The following ATL2 variants were observed in gnomAD, a reference collection of about 807,000 sequenced individuals.
ATL2 encodes the protein atlastin GTPase 2, also known as atlastin-2.
Under a neutral mutation model 73.9 loss-of-function variants are expected in ATL2, and 31 were observed. The ratio of observed to expected loss-of-function variants is 0.42; its 90% CI spans 0.32 to 0.57. The LOEUF is 0.57. Among genes scored for constraint, ATL2 ranks in the 20% least tolerant of loss-of-function variants. ATL2 has a pLI of 0.14. For synonymous variants in ATL2, 291 were observed against 237.5 expected, an observed-to-expected ratio of 1.23 and a Z score of -2.07; for missense variants, 738 against 702.6, an observed-to-expected ratio of 1.05 and a Z score of -0.57.
rs573956435 is a variant in ATL2, at chr2:38,354,134, G to A, written c.119-10622C>T. 54 of 414,252 alleles carry A rather than the reference G, an allele frequency of 1.3e-4. No homozygotes were observed. In the Middle Eastern group the frequency reaches 2.4e-3, roughly 19 times the overall value. The allele number at this position is 414,252 out of a possible 1,614,324, so 25.7% of individuals were successfully genotyped here. On this transcript the variant is annotated intron_variant, in intron 1 of 12. Coordinates refer to ENST00000378954, the MANE Select transcript of ATL2 (RefSeq NM_001135673.4). ...TTGAACCCGGGAGGTTGCAGTAAGC[G>A]AAGATCGTGCCACTGCACTCCAACC...
chr2:38,327,688 C>A, intron 2 of ATL2, among the ~76,000 whole-genome samples: 1 of 152,116 alleles, frequency 6.6e-6, no homozygotes, highest in East Asian at 1.9e-4. Flanking sequence ...GTAATCCCAG[C>A]ACTTTGGGAG....
intron 1 of ATL2, among the ~76,000 whole-genome samples, chr2:38,362,063 A>G (rs1671046182): frequency 6.6e-6 from 1 of 152,208 alleles, no homozygotes; most frequent in Non-Finnish European, 1.5e-5. Flanking sequence ...CAGTCCACAT[A>G]ATGATGCTTA....
intron 8 of ATL2, 87 bp from the exon 9 acceptor site, chr2:38,309,593 A>G: frequency 7.7e-7 from 1 of 1,298,784 alleles, no homozygotes; most frequent in Non-Finnish European, 1.1e-6. Context: ...GTTTTATGAA[A>G]TAAGAATACA....
At chr2:38,299,144 T>C in intron 11 of ATL2, 112 bp downstream of exon 11, 1 of 962,862 alleles carries the variant, frequency 1.0e-6, no homozygotes, top group Non-Finnish European at 1.4e-6. Context: ...GGGAATAATG[T>C]ACCATAAGCT....
At chr2:38,372,460 G>T (rs754584076) in intron 1 of ATL2, among the ~76,000 whole-genome samples, 12 of 152,130 alleles carry the variant, frequency 7.9e-5, no homozygotes, top group Non-Finnish European at 1.5e-4. Flanking sequence ...GAACATCCTT[G>T]AATTCTGTCA....
chr2:38,300,853 G>T (rs1667147376), intron 9 of ATL2, among the ~76,000 whole-genome samples: 1 of 142,218 alleles, frequency 7.0e-6, no homozygotes, highest in South Asian at 2.2e-4. Context: ...ACTTTGACCA[G>T]CTTAAATTGT....
At chr2:38,356,844 C>T (rs961349014) in intron 1 of ATL2, among the ~76,000 whole-genome samples, 19 of 152,120 alleles carry the variant, frequency 1.2e-4, no homozygotes, top group African/African-American at 3.6e-4. Context: ...CTTGTATGAA[C>T]GGTCTATTCA....
At chr2:38,358,147 C>G (rs1670787969) in intron 1 of ATL2, among the ~76,000 whole-genome samples, 1 of 152,120 alleles carries the variant, frequency 6.6e-6, no homozygotes, top group Admixed American at 6.6e-5. Flanking sequence ...AAGGGTCACT[C>G]TATTTCACAA....
At chr2:38,363,736 G>A (rs1424922714) in intron 1 of ATL2, among the ~76,000 whole-genome samples, 2 of 151,992 alleles carry the variant, frequency 1.3e-5, no homozygotes, top group African/African-American at 2.4e-5. Flanking sequence ...ACTTCACACT[G>A]GTAACTAGAG....
intron 1 of ATL2, among the ~76,000 whole-genome samples, chr2:38,344,308 A>G (rs1183676635): frequency 1.3e-5 from 2 of 152,086 alleles, no homozygotes; most frequent in Non-Finnish European, 2.9e-5. Context: ...TACAAACATT[A>G]AAAACATATA....
At chr2:38,296,384 T>C in intron 12 of ATL2, 7 of 1,518,968 alleles carry the variant, frequency 4.6e-6, no homozygotes, top group Non-Finnish European at 5.3e-6. Context: ...ATCTGGTATG[T>C]ATACAGCATT....
chr2:38,340,230 T>C (rs1669635730), intron 2 of ATL2, among the ~76,000 whole-genome samples: 1 of 146,486 alleles, frequency 6.8e-6, no homozygotes, highest in African/African-American at 2.5e-5. Flanking sequence ...GGTTGTTCTG[T>C]ATTTTCATCT....
rs749213550 is a variant in ATL2, at chr2:38,300,320, G to C, written c.1080C>G (p.Ile360Met). The C allele has an allele frequency of 1.9e-5, 30 of 1,607,948 alleles. No homozygotes were observed. The highest frequency in any genetic ancestry group is 2.3e-5 in the Non-Finnish European group (27 of 1,175,040). The change falls in exon 10 of 13, where the codon ATC (isoleucine) becomes ATG (methionine). Residue 360 changes from isoleucine to methionine, a missense_variant. Ile to Met is a conservative substitution (Grantham distance 10). Coordinates refer to ENST00000378954, the MANE Select transcript of ATL2 (RefSeq NM_001135673.4). ...GAAGTTCTTCTCCTTGATAGATTTT[G>C]ATGTAAGCCTAAAAAGGGAGAAGAT... ...RDLVEYFKAY[I>M]KIYQGEELPH...
intron 2 of ATL2, among the ~76,000 whole-genome samples, chr2:38,340,333 C>A (rs1445791505): frequency 6.6e-6 from 1 of 151,030 alleles, no homozygotes; most frequent in East Asian, 1.9e-4. Context: ...AATTATACTT[C>A]AAAGGAAAAA....
At chr2:38,365,952 A>T (rs1671299954) in intron 1 of ATL2, among the ~76,000 whole-genome samples, 1 of 151,968 alleles carries the variant, frequency 6.6e-6, no homozygotes, top group African/African-American at 2.4e-5. Context: ...TGTCTCAAAA[A>T]AAAAGAGGTA....
At chr2:38,377,325 C>T (rs1057121652), upstream of ATL2, 152 of 1,408,948 alleles carry the variant, frequency 1.1e-4, no homozygotes, top group Non-Finnish European at 1.4e-4. Flanking sequence ...ATCAACCTCC[C>T]GGGAGCCGGC....
intron 1 of ATL2, among the ~76,000 whole-genome samples, chr2:38,352,251 T>C (rs1670401037): frequency 6.6e-6 from 1 of 151,694 alleles, no homozygotes; most frequent in South Asian, 2.1e-4. Context: ...CACAGGTATT[T>C]GGGGGAGGGA....
chr2:38,341,520 G>A (rs1221751043), intron 2 of ATL2, among the ~76,000 whole-genome samples: 1 of 151,956 alleles, frequency 6.6e-6, no homozygotes, highest in East Asian at 1.9e-4. Flanking sequence ...TGCCTGTAGT[G>A]CCAGCTACTT....
At chr2:38,300,502 A>G (rs1667130115) in intron 9 of ATL2, 174 bp from the exon 10 acceptor site, 1 of 501,812 alleles carries the variant, frequency 2.0e-6, no homozygotes, top group Non-Finnish European at 3.5e-6. Flanking sequence ...TTATTAAATT[A>G]TATGCTGCTA....
Sources: gnomAD v4.1 joint callset for allele counts (sites outside exome capture counted in the v4.1 genomes callset) on GRCh38, gnomAD v4.1.1 for gene constraint, MANE v1.5 for transcripts, NCBI Gene and HGNC (gene_info 2026-07-23, HGNC 2026-07-21) for gene names.